Variants in ANK2 observed in about 807,000 individuals in gnomAD.
ANK2 encodes the protein ankyrin 2.
A neutral mutation model predicts 360.5 loss-of-function variants in ANK2; 83 were observed. The observed-to-expected ratio is 0.23, with a 90% CI of 0.19 to 0.28. The LOEUF is 0.28. ANK2 is among the 10% of genes least tolerant of loss of function. The pLI, the probability that ANK2 is intolerant of heterozygous loss-of-function variation, is 1.00. For missense variants in ANK2, 4,201 were observed against 4,795.7 expected (o/e 0.88, Z 3.66); for synonymous variants, 1,740 against 1,759.5 (o/e 0.99, Z 0.28).
At chr4:113,055,254 A>G (rs2154329337) in intron 1 of ANK2, among the ~76,000 whole-genome samples, 1 of 152,274 alleles carries the variant, frequency 6.6e-6, no homozygotes, top group South Asian at 2.1e-4. Flanking sequence ...ATAAAAAATT[A>G]GCCAGGCATG....
At chr4:112,850,895 T>C (rs17671955) in intron 1 of ANK2, among the ~76,000 whole-genome samples, 14,500 of 152,132 alleles carry the variant, frequency 0.095, 878 homozygotes, top group Middle Eastern at 0.14. Flanking sequence ...CTCCGCCATC[T>C]TTTGCCCATT....
intron 31 of ANK2, among the ~76,000 whole-genome samples, chr4:113,338,751 G>C (rs1342621641): frequency 1.3e-5 from 2 of 151,626 alleles, no homozygotes; most frequent in African/African-American, 4.8e-5. Flanking sequence ...GGGTTTCACC[G>C]TGTTAGCCAG....
intron 1 of ANK2, chr4:113,072,040 A>G (rs1185215416): frequency 6.6e-6 from 1 of 152,212 alleles, no homozygotes; most frequent in Non-Finnish European, 1.5e-5. Context: ...CCTTGATTCA[A>G]TTATCTCCAT....
intron 1 of ANK2, among the ~76,000 whole-genome samples, chr4:112,874,070 T>C (rs1016076615): frequency 9.4e-5 from 14 of 149,152 alleles, no homozygotes; most frequent in African/African-American, 3.2e-4. Context: ...ACAAAAGCTC[T>C]TGGGGTTCTC....
chr4:113,373,190 C>T lies in ANK2; in HGVS notation c.11694+17C>T. The T allele has an allele frequency of 6.2e-7, 1 of 1,612,144 alleles. No homozygotes were observed. Among genetic ancestry groups the T allele is most frequent in the Middle Eastern group, 1.7e-4 (1 of 6,058 alleles). ...GTAAAGAAGGTATTGTCTAGTATAT[C>T]CTAACAGGGTTGATTACAAACTTCC... On this transcript the variant is annotated intron_variant, in intron 44 of 45. Coordinates refer to ENST00000357077, the MANE Select transcript of ANK2 (RefSeq NM_001148.6).
intron 2 of ANK2, among the ~76,000 whole-genome samples, chr4:112,953,937 G>A (rs1218056535): frequency 6.6e-6 from 1 of 151,662 alleles, no homozygotes; most frequent in Non-Finnish European, 1.5e-5. Context: ...TTTCTTCTCT[G>A]TCTCCCCCCG....
intron 4 of ANK2, among the ~76,000 whole-genome samples, chr4:113,215,506 A>G (rs2099075659): frequency 6.6e-6 from 1 of 152,302 alleles, no homozygotes; most frequent in Middle Eastern, 3.4e-3. Flanking sequence ...TTCTCCATTG[A>G]GACTGAGAGA....
At chr4:113,194,640 T>C (rs952935294) in intron 2 of ANK2, among the ~76,000 whole-genome samples, 2 of 152,188 alleles carry the variant, frequency 1.3e-5, no homozygotes, top group African/African-American at 2.4e-5. Flanking sequence ...CTGATATTTT[T>C]AGCCATTTTA....
At chr4:113,332,870 G>T in intron 28 of ANK2, 184 bp from the exon 29 acceptor site, 1 of 718,300 alleles carries the variant, frequency 1.4e-6, no homozygotes, top group Admixed American at 2.4e-5. Context: ...CTGAGGATTG[G>T]TGCCCCTGAG....
intron 17 of ANK2, among the ~76,000 whole-genome samples, chr4:113,279,488 T>G (rs995709907): frequency 6.6e-6 from 1 of 152,000 alleles, no homozygotes; most frequent in Non-Finnish European, 1.5e-5. Flanking sequence ...CTTGTACCTG[T>G]GTTTGACCTC....
At position 112,900,352 on chromosome 4, in the gene ANK2, G is replaced by C. The variant is rs376291620; in HGVS notation, c.-39-4103G>C. 2.1e-4 allele frequency among the ~76,000 whole-genome samples: 32 copies of C among 152,076 alleles called. No homozygotes were observed. The East Asian group carries it at 4.3e-3, about 20-fold the overall frequency. ...CCTGATTGTCTCCTATCTCAAACCT[G>C]CCTTTTTTTCTCAATTGGTTTGTTC... is the stretch of plus-strand genomic sequence containing the variant. On this transcript the variant is annotated intron_variant, in intron 1 of 30. Transcript: ENST00000503271.
chr4:112,807,873 A>T, the ANK2 span, among the ~76,000 whole-genome samples: 1 of 152,260 alleles, frequency 6.6e-6, no homozygotes, highest in Non-Finnish European at 1.5e-5. Context: ...TTAAATTTGC[A>T]GATGACTAAG....
rs138464875 is a variant in ANK2 at position 112,967,654 on chromosome 4, A to G, written c.21+63140A>G. Among the ~76,000 whole-genome samples, 1,455 of 152,326 alleles carry G rather than the reference A, an allele frequency of 9.6e-3. 27 individuals carry two copies. The highest frequency in any genetic ancestry group is 0.034 in the African/African-American group (1,397 of 41,572). ...GTAAGTCAAAAGCGTTAAATGATTG[A>G]ATGTCTTCTTTAAAAAAATCCTGTC... On this transcript the variant is annotated intron_variant, in intron 2 of 30. Transcript: ENST00000503271.
chr4:112,822,917 G>C (rs2057531790), intron 1 of ANK2, among the ~76,000 whole-genome samples: 1 of 151,604 alleles, frequency 6.6e-6, no homozygotes, highest in Non-Finnish European at 1.5e-5. Context: ...ATAGAACATT[G>C]CAATTCTTGC....
the ANK2 span, among the ~76,000 whole-genome samples, chr4:112,733,981 G>T: frequency 1.3e-5 from 2 of 152,138 alleles, no homozygotes; most frequent in East Asian, 3.8e-4. Context: ...CACCATGTTG[G>T]CCAGGCTGGT....
At chr4:112,934,425 A>G (rs1266870342) in intron 2 of ANK2, among the ~76,000 whole-genome samples, 2 of 152,072 alleles carry the variant, frequency 1.3e-5, no homozygotes, top group Non-Finnish European at 2.9e-5. Flanking sequence ...TATCCAGAAC[A>G]TTACTCTCTC....
In ANK2 at chr4:112,918,277, C is replaced by T. The variant is rs146121132; in HGVS notation, c.21+13763C>T. Among the ~76,000 whole-genome samples the T allele has an allele frequency of 1.2e-4, 18 of 152,160 alleles. No homozygotes were observed. The East Asian group carries it at 1.7e-3, about 15-fold the overall frequency. ...CTGAGGTGATGGTTGAAGTCTGCCCCGGCTCAGGGAGGGTGGAATGAAGAT... is the reference window on the plus strand; with the variant it reads ...CTGAGGTGATGGTTGAAGTCTGCCCTGGCTCAGGGAGGGTGGAATGAAGAT... On this transcript the variant is annotated intron_variant, in intron 2 of 30. Coordinates refer to the ANK2 transcript ENST00000503271.
intron 2 of ANK2, among the ~76,000 whole-genome samples, chr4:113,014,466 A>G (rs1172786863): frequency 6.6e-6 from 1 of 152,174 alleles, no homozygotes; most frequent in Non-Finnish European, 1.5e-5. Context: ...CCAAGGTTGC[A>G]TGACTACCAT....
Position 113,365,202 on chromosome 4 carries a change from TGTG to T in ANK2, c.11032+21_11032+23del. 8 of 44,746 alleles carry T rather than the reference TGTG, an allele frequency of 1.8e-4. No individual in the cohort carries two copies. Among genetic ancestry groups the T allele is most frequent in the Admixed American group, 9.0e-4 (1 of 1,106 alleles). 2.8% of individuals were successfully genotyped at this position (44,746 alleles called of 1,614,324 possible). On this transcript the variant is annotated intron_variant, in intron 41 of 45. Coordinates refer to ENST00000357077, the MANE Select transcript of ANK2 (RefSeq NM_001148.6). ...GTGAAGGTCAAACTGTGTGTGTGTA[TGTG>T]TGTGTGTGTGTGTGTGTGTGTGTGT...
Sources: allele counts gnomAD v4.1 joint callset (sites outside exome capture counted in the v4.1 genomes callset), GRCh38; gene constraint gnomAD v4.1.1; transcripts MANE v1.5; gene names NCBI Gene and HGNC (gene_info 2026-07-23, HGNC 2026-07-21).